SLC4A10: variants seen among roughly 807,000 people sequenced by gnomAD.
SLC4A10 encodes the protein sodium-driven chloride bicarbonate exchanger.
Under a neutral mutation model 137.7 loss-of-function variants are expected in SLC4A10, and 42 were observed. That is an observed-to-expected ratio of 0.30 (90% CI 0.24 to 0.39). SLC4A10 has a LOEUF of 0.39. Among genes scored for constraint, SLC4A10 ranks in the 10% least tolerant of loss-of-function variants. The probability of loss-of-function intolerance (pLI) is 1.00; values close to 1 mark genes in which losing one functional copy is unlikely to be tolerated. For synonymous variants in SLC4A10, 474 were observed against 464.1 expected, an observed-to-expected ratio of 1.02 and a Z score of -0.27; for missense variants, 925 against 1,355.0, an observed-to-expected ratio of 0.68 and a Z score of 4.98.
intron 1 of SLC4A10, among the ~76,000 whole-genome samples, chr2:161,716,109 G>A (rs2044840952): frequency 6.6e-6 from 1 of 150,784 alleles, no homozygotes; most frequent in African/African-American, 2.4e-5. Context: ...CTCTAAATAT[G>A]TTTTTTGGCT....
rs980466010 is a variant in SLC4A10, at chr2:161,984,959, T to G, written c.*1807T>G. 5.3e-5 allele frequency: 8 copies of G among 152,204 alleles called. No homozygotes were observed. Among genetic ancestry groups the G allele is most frequent in the African/African-American group, 1.9e-4 (8 of 41,570 alleles). 9.4% of individuals were successfully genotyped at this position (152,204 alleles called of 1,614,324 possible). On this transcript the variant is annotated 3_prime_UTR_variant, in exon 27 of 27. Coordinates refer to ENST00000446997, the MANE Select transcript of SLC4A10 (RefSeq NM_001178015.2). ...TTAAATCTTCACATGATCACCTATT[T>G]GAATAAGCAATCATATCCAATGAAA...
intron 1 of SLC4A10, among the ~76,000 whole-genome samples, chr2:161,745,375 G>C (rs1465585443): frequency 6.6e-6 from 1 of 152,046 alleles, no homozygotes. Context: ...TTTGTCACTT[G>C]AATTTTTCAG....
At chr2:161,720,840 T>C (rs1395887951) in intron 1 of SLC4A10, among the ~76,000 whole-genome samples, 1 of 152,088 alleles carries the variant, frequency 6.6e-6, no homozygotes, top group East Asian at 1.9e-4. Flanking sequence ...TTTTTTTCTT[T>C]TTTTTCTTGA....
chr2:161,873,986 C>T lies in SLC4A10; in HGVS notation c.929C>T (p.Pro310Leu). 1.3e-6 allele frequency: 2 copies of T among 1,591,612 alleles called. No homozygotes were observed. The highest frequency in any genetic ancestry group is 1.7e-6 in the Non-Finnish European group (2 of 1,176,484). ...GMKQRHEKGPPHQQEREVDLH... is the reference protein window; with the variant it reads ...GMKQRHEKGPLHQQEREVDLH... ...AAACAAAGGCATGAAAAAGGACCTC[C>T]ACACCAGCAAGAGAGAGAGGTGAGG... is the stretch of plus-strand genomic sequence containing the variant. Residue 310 changes from proline (P) to leucine (L), a missense_variant, in exon 8 of 27, where the codon CCA (proline) becomes CTA (leucine). Transcript: ENST00000446997.
rs551635257 is a variant in SLC4A10, at chr2:161,824,523, T to C, written c.278-15266T>C. Among the ~76,000 whole-genome samples, 15 of 152,296 alleles carry C rather than the reference T, an allele frequency of 9.8e-5. 1 individual carries two copies. In the South Asian group the frequency reaches 2.7e-3, roughly 27 times the overall value. ...GGTAAAAGGTATCAGGATATGGATCTTGGAGAAACTCAACAGCAAACAGAA... is the reference window on the plus strand; with the variant it reads ...GGTAAAAGGTATCAGGATATGGATCCTGGAGAAACTCAACAGCAAACAGAA... On this transcript the variant is annotated intron_variant, in intron 3 of 26. Transcript: ENST00000446997.
chr2:161,967,551 AT>A (rs781049562), intron 23 of SLC4A10, among the ~76,000 whole-genome samples: 44 of 152,098 alleles, frequency 2.9e-4, no homozygotes, highest in Non-Finnish European at 5.4e-4. Context: ...GCTCCTTACA[AT>A]TTTCACTTTG....
chr2:161,853,679 C>T (rs774997189), intron 4 of SLC4A10, among the ~76,000 whole-genome samples: 6 of 152,040 alleles, frequency 3.9e-5, no homozygotes. Context: ...TATAAAATTC[C>T]CAGCCTTGAA....
intron 1 of SLC4A10, among the ~76,000 whole-genome samples, chr2:161,744,802 A>G (rs2048243231): frequency 6.6e-6 from 1 of 151,858 alleles, no homozygotes; most frequent in Non-Finnish European, 1.5e-5. Flanking sequence ...TATGTCATCT[A>G]TGTCTTAAAA....
intron 1 of SLC4A10, among the ~76,000 whole-genome samples, chr2:161,701,203 T>A (rs527858146): frequency 1.3e-5 from 2 of 152,040 alleles, no homozygotes; most frequent in Non-Finnish European, 2.9e-5. Flanking sequence ...AGCACAGACA[T>A]ATGAGTCCTT....
chr2:161,945,176 TTG>T (rs10637760), intron 16 of SLC4A10, among the ~76,000 whole-genome samples: 9 of 105,552 alleles, frequency 8.5e-5, no homozygotes, highest in East Asian at 8.8e-4. Flanking sequence ...GTACTTAAGT[TTG>T]TGTGTATATA....
chr2:161,806,657 C>T (rs796693378), intron 3 of SLC4A10, among the ~76,000 whole-genome samples: 5 of 152,220 alleles, frequency 3.3e-5, no homozygotes, highest in East Asian at 1.9e-4. Context: ...GTTCCCAACA[C>T]GTTCTTCATC....
At chr2:161,835,101 A>G (rs2058682383) in intron 3 of SLC4A10, among the ~76,000 whole-genome samples, 1 of 149,712 alleles carries the variant, frequency 6.7e-6, no homozygotes, top group African/African-American at 2.5e-5. Context: ...GCAATAGCGC[A>G]ATCTTGGCTC....
At chr2:161,812,826 G>A (rs1475438092) in intron 3 of SLC4A10, among the ~76,000 whole-genome samples, 5 of 151,790 alleles carry the variant, frequency 3.3e-5, no homozygotes, top group Non-Finnish European at 1.5e-5. Flanking sequence ...AGATGAACAT[G>A]CACGTATATG....
chr2:161,830,535 G>C (rs2058368449), intron 3 of SLC4A10, among the ~76,000 whole-genome samples: 1 of 149,542 alleles, frequency 6.7e-6, no homozygotes, highest in Non-Finnish European at 1.5e-5. Context: ...CTTTGAGCAA[G>C]TTTATTTTCT....
At chr2:161,627,702 A>G (rs2032702838) in intron 1 of SLC4A10, among the ~76,000 whole-genome samples, 1 of 152,102 alleles carries the variant, frequency 6.6e-6, no homozygotes, top group South Asian at 2.1e-4. Context: ...TGCATTTTGT[A>G]GACTCTAATC....
chr2:161,886,222 A>G (rs2062266764), intron 10 of SLC4A10, among the ~76,000 whole-genome samples: 1 of 152,188 alleles, frequency 6.6e-6, no homozygotes, highest in Non-Finnish European at 1.5e-5. Context: ...TGGATATTTG[A>G]GCTAACAGTT....
intron 1 of SLC4A10, among the ~76,000 whole-genome samples, chr2:161,713,457 C>A (rs1225741603): frequency 6.6e-6 from 1 of 151,656 alleles, no homozygotes; most frequent in African/African-American, 2.4e-5. Context: ...ATCAAAATTG[C>A]ACATGAGAGC....
intron 4 of SLC4A10, 145 bp from the exon 5 acceptor site, chr2:161,854,825 C>A (rs976200359): frequency 1.5e-6 from 1 of 663,434 alleles, no homozygotes; most frequent in Admixed American, 4.2e-5. Context: ...AGCCAAATGG[C>A]TTAGACTAGC....
chr2:161,900,644 AG>A (rs1195294226), intron 11 of SLC4A10, among the ~76,000 whole-genome samples: 2 of 152,114 alleles, frequency 1.3e-5, no homozygotes, highest in Non-Finnish European at 2.9e-5. Context: ...TTTAGTTGAA[AG>A]AATAAATAAG....
Sources: allele counts gnomAD v4.1 joint callset (sites outside exome capture counted in the v4.1 genomes callset), GRCh38; gene constraint gnomAD v4.1.1; transcripts MANE v1.5; gene names NCBI Gene and HGNC (gene_info 2026-07-23, HGNC 2026-07-21).